Variants in PTPRD observed in about 807,000 individuals in gnomAD.
PTPRD encodes the protein receptor-type tyrosine-protein phosphatase delta.
Under a neutral mutation model 214.5 loss-of-function variants are expected in PTPRD, and 34 were observed. The observed-to-expected ratio is 0.16, with a 90% CI of 0.12 to 0.21. The LOEUF is 0.21. PTPRD is among the 10% of genes least tolerant of loss of function. PTPRD has a pLI of 1.00. For missense variants in PTPRD, 2,545 were observed against 2,398.7 expected, an observed-to-expected ratio of 1.06 and a Z score of -1.27; for synonymous variants, 1,128 against 845.7, an observed-to-expected ratio of 1.33 and a Z score of -5.79.
chr9:9,273,008 T>A (rs1179250545), intron 9 of PTPRD, among the ~76,000 whole-genome samples: 1 of 151,302 alleles, frequency 6.6e-6, no homozygotes, highest in Non-Finnish European at 1.5e-5. Context: ...GTGATTTCTA[T>A]GGATAAAAGA....
chr9:10,164,068 T>C (rs948713584), intron 3 of PTPRD, among the ~76,000 whole-genome samples: 1 of 151,468 alleles, frequency 6.6e-6, no homozygotes, highest in Non-Finnish European at 1.5e-5. Context: ...TCATCACTAT[T>C]CTTTCAAGTG....
intron 11 of PTPRD, among the ~76,000 whole-genome samples, chr9:8,927,616 A>T (rs2098910815): frequency 6.6e-6 from 1 of 152,210 alleles, no homozygotes; most frequent in Admixed American, 6.5e-5. Flanking sequence ...ATTGATGGGC[A>T]CTTGGGTTGG....
intron 2 of PTPRD, among the ~76,000 whole-genome samples, chr9:10,537,540 C>T (rs1470722211): frequency 2.6e-5 from 4 of 152,030 alleles, no homozygotes; most frequent in African/African-American, 9.7e-5. Context: ...TTGGTATTTA[C>T]TTCAACTCTC....
At chr9:9,248,892 A>G (rs2099974191) in intron 9 of PTPRD, among the ~76,000 whole-genome samples, 1 of 152,072 alleles carries the variant, frequency 6.6e-6, no homozygotes. Context: ...TCTACTCTAA[A>G]GAATCATGGA....
At chr9:9,389,525 A>T (rs527697568) in intron 9 of PTPRD, among the ~76,000 whole-genome samples, 52 of 152,290 alleles carry the variant, frequency 3.4e-4, no homozygotes, top group South Asian at 3.1e-3. Context: ...ATAATAATAA[A>T]AAAACATTAA....
At chr9:9,379,322 C>A (rs1440099251) in intron 9 of PTPRD, among the ~76,000 whole-genome samples, 1 of 151,106 alleles carries the variant, frequency 6.6e-6, no homozygotes, top group Non-Finnish European at 1.5e-5. Flanking sequence ...TGCCTTTTCT[C>A]CACCGTCAAA....
At chr9:10,506,108 A>G (rs1051597149) in intron 2 of PTPRD, among the ~76,000 whole-genome samples, 3 of 152,136 alleles carry the variant, frequency 2.0e-5, no homozygotes, top group African/African-American at 2.4e-5. Context: ...TGTTTTTCTA[A>G]TACATATTTC....
intron 37 of PTPRD, among the ~76,000 whole-genome samples, chr9:8,385,923 A>C (rs899663141): frequency 6.6e-6 from 1 of 152,114 alleles, no homozygotes; most frequent in Admixed American, 6.5e-5. Flanking sequence ...AGGGACATGG[A>C]GAGGTTGGTC....
rs12683258 is a variant in PTPRD at position 9,370,253 on chromosome 9, T to C, written c.-203+27196A>G. Among the ~76,000 whole-genome samples, 39 of 152,240 alleles carry C rather than the reference T, an allele frequency of 2.6e-4. No homozygotes were observed. The East Asian group carries it at 6.8e-3, about 26-fold the overall frequency. The stretch of plus-strand genomic sequence containing the variant: ...TCCTCCTACCCATGAGCATGGAATG[T>C]TCTTCCATTTGTTTGTGTCCTCTTT... On this transcript the variant is annotated intron_variant, in intron 9 of 45. Coordinates refer to ENST00000381196, the MANE Select transcript of PTPRD (RefSeq NM_002839.4).
At chr9:9,522,825 G>A (rs190752442) in intron 8 of PTPRD, among the ~76,000 whole-genome samples, 1 of 152,112 alleles carries the variant, frequency 6.6e-6, no homozygotes, top group Non-Finnish European at 1.5e-5. Flanking sequence ...AGCATAAAAG[G>A]AATTATGAAT....
chr9:10,205,018 T>G (rs2099461744), intron 3 of PTPRD, among the ~76,000 whole-genome samples: 1 of 144,378 alleles, frequency 6.9e-6, no homozygotes, highest in Non-Finnish European at 1.5e-5. Context: ...AATTCTATTT[T>G]TAACAAGCTC....
At chr9:8,763,912 TCAAGA>T (rs372935054) in intron 11 of PTPRD, among the ~76,000 whole-genome samples, 37 of 152,306 alleles carry the variant, frequency 2.4e-4, no homozygotes, top group African/African-American at 8.2e-4. Flanking sequence ...TATGGTAAAT[TCAAGA>T]CAAGACTGAA....
At chr9:8,328,828 T>G (rs1022822423) in intron 44 of PTPRD, among the ~76,000 whole-genome samples, 1 of 152,134 alleles carries the variant, frequency 6.6e-6, no homozygotes, top group Non-Finnish European at 1.5e-5. Context: ...TGGCTATTGA[T>G]ACTTGCGTAT....
chr9:9,895,269 A>G (rs1029503416), intron 5 of PTPRD, among the ~76,000 whole-genome samples: 2 of 149,354 alleles, frequency 1.3e-5, no homozygotes, highest in African/African-American at 5.1e-5. Context: ...AAAAAGGAAC[A>G]GAAAATAAAA....
chr9:9,516,895 C>T (rs2096851503), intron 8 of PTPRD, among the ~76,000 whole-genome samples: 1 of 152,074 alleles, frequency 6.6e-6, no homozygotes. Context: ...AAAAATTAAA[C>T]ATATTTATGG....
At chr9:10,054,994 A>AAAGAAAGAAAGAAAG (rs1567356738) in intron 3 of PTPRD, among the ~76,000 whole-genome samples, 1 of 145,832 alleles carries the variant, frequency 6.9e-6, no homozygotes, top group Non-Finnish European at 1.5e-5. Context: ...AAGAAAGAAA[A>AAAGAAAGAAAGAAAG]AAAGAAAGAA....
At chr9:9,864,036 G>A (rs2063382892) in intron 5 of PTPRD, among the ~76,000 whole-genome samples, 1 of 152,198 alleles carries the variant, frequency 6.6e-6, no homozygotes, top group Non-Finnish European at 1.5e-5. Flanking sequence ...CGGGCGCGGT[G>A]GCTCATGCCT....
intron 10 of PTPRD, among the ~76,000 whole-genome samples, chr9:9,179,484 A>T (rs144702361): frequency 1.3e-5 from 2 of 152,260 alleles, no homozygotes; most frequent in African/African-American, 4.8e-5. Context: ...AATGTCCCCA[A>T]GGCAAAATGC....
intron 2 of PTPRD, among the ~76,000 whole-genome samples, chr9:10,561,019 G>A (rs530126628): frequency 2.6e-4 from 39 of 152,274 alleles, no homozygotes; most frequent in African/African-American, 8.7e-4. Context: ...TGAGTATTTC[G>A]TAGTGAGCCT....
Sources: gnomAD v4.1 joint callset for allele counts (sites outside exome capture counted in the v4.1 genomes callset) on GRCh38, gnomAD v4.1.1 for gene constraint, MANE v1.5 for transcripts, NCBI Gene and HGNC (gene_info 2026-07-23, HGNC 2026-07-21) for gene names.